Variants in MAML3 observed in about 807,000 individuals in gnomAD.
MAML3 encodes the protein mastermind-like protein 3.
MAML3 carries 27 observed loss-of-function variants against 101.9 expected under a neutral mutation model. The ratio of observed to expected loss-of-function variants is 0.27; its 90% CI spans 0.20 to 0.37. MAML3 has a LOEUF of 0.37. Among genes scored for constraint, MAML3 ranks in the 10% least tolerant of loss-of-function variants. The pLI is 1.00. For synonymous variants in MAML3, 501 were observed against 555.9 expected, an observed-to-expected ratio of 0.90 and a Z score of 1.39; for missense variants, 1,316 against 1,444.9, an observed-to-expected ratio of 0.91 and a Z score of 1.45.
At position 140,147,497 on chromosome 4, in the gene MAML3, A is replaced by G. The variant is rs184670944; in HGVS notation, c.468+5363T>C. ...GGTGTTAAAGATCACTGAAAAGACC[A>G]AAAGGTTGGCAGCAGGTGGGGGGAA... On this transcript the variant is annotated intron_variant, in intron 1 of 4. Transcript: ENST00000509479. 3.4e-3 allele frequency among the ~76,000 whole-genome samples: 515 copies of G among 152,300 alleles called. 2 individuals are homozygous for G. Among genetic ancestry groups the G allele is most frequent in the African/African-American group, 0.01 (423 of 41,558 alleles).
chr4:139,844,114 G>T (rs538511141), intron 2 of MAML3, among the ~76,000 whole-genome samples: 146 of 152,352 alleles, frequency 9.6e-4, no homozygotes, highest in African/African-American at 3.4e-3. Flanking sequence ...GAAGTCTGCA[G>T]CTGCTACACC....
intron 1 of MAML3, among the ~76,000 whole-genome samples, chr4:140,117,422 C>G (rs1187520616): frequency 6.6e-6 from 1 of 152,034 alleles, no homozygotes; most frequent in Non-Finnish European, 1.5e-5. Flanking sequence ...TTTAAGCATA[C>G]TCTAACTATA....
At chr4:140,018,770 A>G (rs2110872643) in intron 1 of MAML3, among the ~76,000 whole-genome samples, 1 of 152,304 alleles carries the variant, frequency 6.6e-6, no homozygotes, top group Non-Finnish European at 1.5e-5. Flanking sequence ...TTTGTATATA[A>G]TGTTTTGGGA....
chr4:139,902,836 T>C (rs1455483156), intron 1 of MAML3, among the ~76,000 whole-genome samples: 1 of 152,202 alleles, frequency 6.6e-6, no homozygotes. Context: ...TGGGCAGCGA[T>C]TTCAATTATG....
In MAML3 at chr4:140,122,220, C is replaced by CTTTTTTTTTTTTTTTTTTTT. The variant is rs369602172; in HGVS notation, c.468+30639_468+30640insAAAAAAAAAAAAAAAAAAAA. On this transcript the variant is annotated intron_variant, in intron 1 of 4. Coordinates refer to ENST00000509479, the MANE Select transcript of MAML3 (RefSeq NM_018717.5). ...TTCTCACAGGAATAATCAAACGAGA[C>CTTTTTTTTTTTTTTTTTTTT]TTTTTTTTTTTTTTTTTTTAAACAG... is the stretch of plus-strand genomic sequence containing the variant. 7.2e-5 allele frequency among the ~76,000 whole-genome samples: 9 copies of CTTTTTTTTTTTTTTTTTTTT among 124,614 alleles called. 4 individuals carry two copies. Among genetic ancestry groups the CTTTTTTTTTTTTTTTTTTTT allele is most frequent in the Non-Finnish European group, 1.1e-4 (7 of 61,320 alleles). 81.8% of individuals were successfully genotyped at this position (124,614 alleles called of 152,430 possible).
intron 1 of MAML3, among the ~76,000 whole-genome samples, chr4:139,915,822 G>A (rs942715868): frequency 1.3e-5 from 2 of 152,082 alleles, no homozygotes; most frequent in Non-Finnish European, 2.9e-5. Flanking sequence ...GTAGGGATGG[G>A]GACAGGAATT....
chr4:140,008,826 A>G (rs1225901366), intron 1 of MAML3, among the ~76,000 whole-genome samples: 1 of 152,248 alleles, frequency 6.6e-6, no homozygotes, highest in East Asian at 1.9e-4. Context: ...CACTTCTGTC[A>G]GGCACTGACC....
chr4:139,784,595 A>G (rs1384810795), intron 2 of MAML3, among the ~76,000 whole-genome samples: 1 of 152,210 alleles, frequency 6.6e-6, no homozygotes, highest in Non-Finnish European at 1.5e-5. Context: ...GCCTTTCTCA[A>G]GAATCTCTTT....
chr4:140,020,196 A>G (rs1341273935), intron 1 of MAML3, among the ~76,000 whole-genome samples: 1 of 152,194 alleles, frequency 6.6e-6, no homozygotes, highest in Non-Finnish European at 1.5e-5. Flanking sequence ...TTAAGTATTA[A>G]CAAGGCCTGT....
At chr4:139,978,303 C>G (rs891128038) in intron 1 of MAML3, among the ~76,000 whole-genome samples, 1 of 152,058 alleles carries the variant, frequency 6.6e-6, no homozygotes, top group Non-Finnish European at 1.5e-5. Flanking sequence ...GAGTGGTGAG[C>G]CTCCCAAGCA....
chr4:140,135,357 A>T (rs184942072), intron 1 of MAML3, among the ~76,000 whole-genome samples: 1 of 152,238 alleles, frequency 6.6e-6, no homozygotes, highest in African/African-American at 2.4e-5. Flanking sequence ...AGCATTAAAA[A>T]CAAAACAACT....
intron 2 of MAML3, among the ~76,000 whole-genome samples, chr4:139,731,689 T>C (rs983584511): frequency 6.6e-6 from 1 of 152,154 alleles, no homozygotes; most frequent in East Asian, 1.9e-4. Flanking sequence ...CTCTTGATTC[T>C]ATAATTATAT....
intron 1 of MAML3, among the ~76,000 whole-genome samples, chr4:140,116,799 A>G (rs1728525594): frequency 6.6e-6 from 1 of 152,262 alleles, no homozygotes; most frequent in Non-Finnish European, 1.5e-5. Context: ...AGATGTGACT[A>G]GGGATTGTTA....
chr4:139,878,219 A>G (rs1007108067), intron 2 of MAML3, among the ~76,000 whole-genome samples: 6 of 151,390 alleles, frequency 4.0e-5, no homozygotes, highest in African/African-American at 1.5e-4. Flanking sequence ...TATCCCGCCA[A>G]CTCCTACTCA....
At chr4:139,935,127 C>T (rs1010725533) in intron 1 of MAML3, among the ~76,000 whole-genome samples, 3 of 151,842 alleles carry the variant, frequency 2.0e-5, no homozygotes, top group Admixed American at 1.3e-4. Context: ...ACCCCCCTTC[C>T]TCAGCAAGGC....
intron 1 of MAML3, among the ~76,000 whole-genome samples, chr4:139,970,313 G>A (rs901000347): frequency 2.0e-5 from 3 of 152,136 alleles, no homozygotes; most frequent in African/African-American, 7.2e-5. Context: ...GAAAACACAA[G>A]CAAAAGCTGG....
Position 140,136,341 on chromosome 4 carries a change from C to A in MAML3, c.468+16519G>T, listed in dbSNP as rs549914624. Among the ~76,000 whole-genome samples the A allele has an allele frequency of 4.6e-5, 7 of 152,256 alleles. No individual in the cohort carries two copies. The East Asian group carries it at 1.2e-3, about 25-fold the overall frequency. On this transcript the variant is annotated intron_variant, in intron 1 of 4. Coordinates refer to ENST00000509479, the MANE Select transcript of MAML3 (RefSeq NM_018717.5). The stretch of plus-strand genomic sequence containing the variant: ...CTCATAAGCAATAAGCCCAGTATAT[C>A]CCAAAATGTTCTAGATACATCCCTT...
chr4:139,947,619 T>C (rs1733752977), intron 1 of MAML3, among the ~76,000 whole-genome samples: 1 of 152,210 alleles, frequency 6.6e-6, no homozygotes, highest in Non-Finnish European at 1.5e-5. Context: ...TTTTAATTTA[T>C]GGGGCTTAAT....
chr4:140,149,943 T>C lies in MAML3; in HGVS notation c.468+2917A>G, dbSNP rs111333998. On this transcript the variant is annotated intron_variant, in intron 1 of 4. Coordinates refer to ENST00000509479, the MANE Select transcript of MAML3 (RefSeq NM_018717.5). ...ACTTGTAGAGCATGTTTCTTTCTTT[T>C]TTTTTTTTTTTTTTGGTACACAGAA... Among the ~76,000 whole-genome samples the C allele has an allele frequency of 5.9e-3, 868 of 146,872 alleles. 9 individuals carry two copies. Among genetic ancestry groups the C allele is most frequent in the African/African-American group, 0.02 (828 of 40,490 alleles).
Sources: gnomAD v4.1 joint callset for allele counts (sites outside exome capture counted in the v4.1 genomes callset) on GRCh38, gnomAD v4.1.1 for gene constraint, MANE v1.5 for transcripts, NCBI Gene and HGNC (gene_info 2026-07-23, HGNC 2026-07-21) for gene names.